Variants in ANO1 observed in about 807,000 individuals in gnomAD.
The protein encoded by ANO1 is anoctamin-1.
A neutral mutation model predicts 124.0 loss-of-function variants in ANO1; 59 were observed. The ratio of observed to expected loss-of-function variants is 0.48; its 90% CI spans 0.39 to 0.59. The LOEUF (loss-of-function observed/expected upper bound fraction) is 0.59, where lower values mean the gene tolerates loss of function less well. Among genes scored for constraint, ANO1 ranks in the 20% least tolerant of loss-of-function variants. The pLI is 0.00. For missense variants in ANO1, 1,059 were observed against 1,328.0 expected (o/e 0.80, Z 3.15); for synonymous variants, 529 against 532.0 (o/e 0.99, Z 0.08).
intron 1 of ANO1, among the ~76,000 whole-genome samples, chr11:70,042,077 G>A (rs534528772): frequency 6.6e-6 from 1 of 150,406 alleles, no homozygotes; most frequent in African/African-American, 2.4e-5. Context: ...GAAAGCAGGG[G>A]TGAGCTCGAT....
At chr11:70,046,439 C>A (rs1412617208) in intron 1 of ANO1, among the ~76,000 whole-genome samples, 1 of 152,094 alleles carries the variant, frequency 6.6e-6, no homozygotes, top group South Asian at 2.1e-4. Context: ...CAAAACCTAC[C>A]AGGGCAAAAG....
chr11:70,020,445 C>T (rs1565162513), intron 1 of ANO1, among the ~76,000 whole-genome samples: 1 of 152,208 alleles, frequency 6.6e-6, no homozygotes, highest in Non-Finnish European at 1.5e-5. Flanking sequence ...GGTCCACCCT[C>T]CCCCAGCCCC....
At chr11:70,054,272 G>T (rs1158883309) in intron 1 of ANO1, among the ~76,000 whole-genome samples, 2 of 152,178 alleles carry the variant, frequency 1.3e-5, no homozygotes, top group Non-Finnish European at 2.9e-5. Context: ...ACCCCAGCCT[G>T]CTCCCAGAGC....
At chr11:70,109,537 G>A (rs1187482403) in intron 6 of ANO1, among the ~76,000 whole-genome samples, 4 of 152,330 alleles carry the variant, frequency 2.6e-5, no homozygotes, top group Admixed American at 1.3e-4. Flanking sequence ...TAGTACACAC[G>A]ACTGCAGTGA....
intron 1 of ANO1, among the ~76,000 whole-genome samples, chr11:70,008,040 T>C (rs1448914507): frequency 6.6e-6 from 1 of 152,246 alleles, no homozygotes; most frequent in Non-Finnish European, 1.5e-5. Flanking sequence ...CATGTGCTTC[T>C]TGACCATTTG....
At chr11:69,979,415 C>T in the ANO1 span, among the ~76,000 whole-genome samples, 220 of 152,290 alleles carry the variant, frequency 1.4e-3, no homozygotes, top group African/African-American at 5.0e-3. Flanking sequence ...CAAATTCTGC[C>T]GCTTACCAGC....
chr11:70,061,629 T>C (rs1350543822), intron 1 of ANO1, among the ~76,000 whole-genome samples: 1 of 152,178 alleles, frequency 6.6e-6, no homozygotes, highest in Non-Finnish European at 1.5e-5. Context: ...AGCAGCTACC[T>C]ATAGCAGCTG....
At chr11:69,969,201 G>A in the ANO1 span, among the ~76,000 whole-genome samples, 46 of 152,306 alleles carry the variant, frequency 3.0e-4, 1 homozygote, top group Admixed American at 9.8e-4. Flanking sequence ...CACAGCTGCC[G>A]GTGGAAAGCC....
intron 22 of ANO1, among the ~76,000 whole-genome samples, chr11:70,179,138 A>G (rs1555055166): frequency 6.6e-6 from 1 of 152,200 alleles, no homozygotes; most frequent in Non-Finnish European, 1.5e-5. Context: ...TAGGATGTCC[A>G]CTTGCTCCAT....
rs752288780 is a variant in ANO1, at chr11:70,187,893, G to A, written c.2850G>A (p.Glu950=). The change falls in exon 26 of 26, where the codon GAG becomes GAA. Residue 950 remains glutamate (E), a synonymous_variant. Transcript: ENST00000355303. ...AGCAGCTGCTGGAAACCTGGATGGA[G>A]AAGGAGCGGCAGAAGGACGAGCCGC... The part of the protein sequence containing the change: ...DKQQLLETWM[E]KERQKDEPPC... The A allele has an allele frequency of 1.7e-5, 28 of 1,601,132 alleles. No individual in the cohort carries two copies. Among genetic ancestry groups the A allele is most frequent in the Non-Finnish European group, 2.3e-5 (27 of 1,174,602 alleles).
Position 70,161,659 on chromosome 11 carries a change from G to C in ANO1, c.1818G>C (p.Leu606=). 1 of 1,614,026 alleles carries C rather than the reference G, an allele frequency of 6.2e-7. No individual in the cohort carries two copies. The highest frequency in any genetic ancestry group is 1.1e-5 in the South Asian group (1 of 91,082). Residue 606 remains leucine (L), a synonymous_variant, in exon 18 of 26, where the codon CTG becomes CTC. Transcript: ENST00000355303. ...CGGAGAAAAGCTTTGAGGAGAGGCTGATCTTCAAGGCTTTCCTGCTGAAGT... is the reference window on the plus strand; with the variant it reads ...CGGAGAAAAGCTTTGAGGAGAGGCTCATCTTCAAGGCTTTCCTGCTGAAGT... ...PKTEKSFEER[L]IFKAFLLKFV...
chr11:69,976,507 TAAAAA>T, the ANO1 span, among the ~76,000 whole-genome samples: 9 of 74,474 alleles, frequency 1.2e-4, no homozygotes, highest in Admixed American at 3.2e-4. Context: ...ACTCCGTCTC[TAAAAA>T]AAAAAAAAAA....
At chr11:70,152,320 G>A (rs2047635210) in intron 12 of ANO1, 130 bp from the exon 13 acceptor site, 9 of 848,340 alleles carry the variant, frequency 1.1e-5, no homozygotes, top group Non-Finnish European at 1.4e-5. Context: ...GCTCAATAGA[G>A]CAAGACTCCA....
chr11:69,968,077 C>T, the ANO1 span, among the ~76,000 whole-genome samples: 11 of 152,128 alleles, frequency 7.2e-5, no homozygotes, highest in Non-Finnish European at 1.2e-4. Context: ...TATATCTATC[C>T]GACCAGCCCC....
Position 70,182,539 on chromosome 11 carries a change from G to T in ANO1, c.2441G>T (p.Arg814Leu). The T allele has an allele frequency of 6.2e-7, 1 of 1,606,250 alleles. No homozygotes were observed. The highest frequency in any genetic ancestry group is 8.5e-7 in the Non-Finnish European group (1 of 1,176,234). ...VISFTSDFIP[R>L]LVYLYMYSKN... is the part of the protein sequence containing the mutation. ...TCCTTCACGTCTGACTTCATCCCGC[G>T]CCTGGTGTACCTCTACATGTACAGT... Residue 814 changes from arginine to leucine, a missense_variant, in exon 24 of 26, where the codon CGC becomes CTC. By Grantham distance (102) the Arg-to-Leu change is moderately radical (BLOSUM62 -2). Transcript: ENST00000355303.
At chr11:69,997,845 C>T (rs1424624118) in intron 1 of ANO1, among the ~76,000 whole-genome samples, 1 of 152,164 alleles carries the variant, frequency 6.6e-6, no homozygotes, top group Non-Finnish European at 1.5e-5. Context: ...TCCCCCTTTG[C>T]CTTCCGCCGT....
At chr11:70,085,326 A>T in intron 1 of ANO1, 83 of 1,191,108 alleles carry the variant, frequency 7.0e-5, no homozygotes, top group Middle Eastern at 3.1e-4. Flanking sequence ...CTTCCCCCTG[A>T]GCCCTCCCAA....
chr11:70,009,035 T>C lies in ANO1; in HGVS notation c.58+22869T>C, dbSNP rs79723183. On this transcript the variant is annotated intron_variant, in intron 1 of 27. Coordinates refer to the ANO1 transcript ENST00000531349. Reference sequence around the variant, plus strand: ...AGGCCTGTTCCACATGAGGTTAACATTGGCCCCCGGAGAGTCCTTTTAGGA... The same window carrying C: ...AGGCCTGTTCCACATGAGGTTAACACTGGCCCCCGGAGAGTCCTTTTAGGA... Among the ~76,000 whole-genome samples, 71 of 152,338 alleles carry C rather than the reference T, an allele frequency of 4.7e-4. 1 individual carries two copies. In the East Asian group the frequency reaches 0.011, roughly 24 times the overall value.
In ANO1 at chr11:70,188,062, C is replaced by T. The variant is rs972926242; in HGVS notation, c.*58C>T. On this transcript the variant is annotated 3_prime_UTR_variant, in exon 26 of 26. Coordinates refer to ENST00000355303, the MANE Select transcript of ANO1 (RefSeq NM_018043.7). Reference sequence around the variant, plus strand: ...CATCCTGACCGATGGGCACCCTCTCCCAGGGCAGGCGGCTTCCCGCTCCCA... The same window carrying T: ...CATCCTGACCGATGGGCACCCTCTCTCAGGGCAGGCGGCTTCCCGCTCCCA... 2.6e-6 allele frequency: 4 copies of T among 1,512,056 alleles called. No homozygotes were observed. The Admixed American group carries it at 6.1e-5, about 23-fold the overall frequency. 93.7% of individuals were successfully genotyped at this position (1,512,056 alleles called of 1,614,324 possible).
Sources: allele counts gnomAD v4.1 joint callset (sites outside exome capture counted in the v4.1 genomes callset), GRCh38; gene constraint gnomAD v4.1.1; transcripts MANE v1.5; gene names NCBI Gene and HGNC (gene_info 2026-07-23, HGNC 2026-07-21).